BAZ2B: variants seen among roughly 807,000 people sequenced by gnomAD.
BAZ2B encodes the protein bromodomain adjacent to zinc finger domain protein 2B.
Under a neutral mutation model 246.0 loss-of-function variants are expected in BAZ2B, and 91 were observed. The observed-to-expected ratio is 0.37, with a 90% CI of 0.31 to 0.44. The LOEUF is 0.44. Among genes scored for constraint, BAZ2B ranks in the 20% least tolerant of loss-of-function variants. The pLI, the probability that BAZ2B is intolerant of heterozygous loss-of-function variation, is 1.00. For missense variants in BAZ2B, 2,332 were observed against 2,533.7 expected (o/e 0.92, Z 1.71); for synonymous variants, 855 against 860.0 (o/e 0.99, Z 0.10).
chr2:159,460,124 T>G (rs1204777598), intron 3 of BAZ2B: 1 of 152,086 alleles, frequency 6.6e-6, no homozygotes, highest in Non-Finnish European at 1.5e-5. Flanking sequence ...CTTTTCAAAT[T>G]CTACTAGCCA....
At chr2:159,427,472 T>C (rs900569549) in intron 13 of BAZ2B, among the ~76,000 whole-genome samples, 4 of 152,072 alleles carry the variant, frequency 2.6e-5, no homozygotes, top group African/African-American at 7.2e-5. Context: ...AAAAAAAACT[T>C]ATCAAACTTG....
chr2:159,441,786 C>T (rs1235845223), intron 6 of BAZ2B, among the ~76,000 whole-genome samples: 1 of 152,112 alleles, frequency 6.6e-6, no homozygotes, highest in Non-Finnish European at 1.5e-5. Flanking sequence ...CTAGTTGGGA[C>T]TATAAGCTAA....
intron 3 of BAZ2B, among the ~76,000 whole-genome samples, chr2:159,468,449 G>T (rs1446945622): frequency 6.6e-6 from 1 of 152,166 alleles, no homozygotes; most frequent in African/African-American, 2.4e-5. Flanking sequence ...GCATGAAAAA[G>T]CAGAAGTGGG....
intron 1 of BAZ2B, among the ~76,000 whole-genome samples, chr2:159,579,493 G>T (rs866793265): frequency 6.6e-6 from 1 of 152,028 alleles, no homozygotes; most frequent in Non-Finnish European, 1.5e-5. Flanking sequence ...TTCTACCAGC[G>T]GTACAAAGAG....
chr2:159,395,725 G>T, intron 20 of BAZ2B, 44 bp downstream of exon 20: 2 of 1,482,528 alleles, frequency 1.3e-6, no homozygotes, highest in Non-Finnish European at 1.8e-6. Flanking sequence ...TTAGGAAAAA[G>T]CATTACTTTA....
intron 2 of BAZ2B, among the ~76,000 whole-genome samples, chr2:159,505,725 G>A (rs540489187): frequency 1.3e-5 from 2 of 152,208 alleles, no homozygotes; most frequent in South Asian, 4.2e-4. Context: ...CCCATAAGAA[G>A]GCGGCAAGAA....
chr2:159,430,137 A>T (rs924795491), intron 10 of BAZ2B, among the ~76,000 whole-genome samples: 1 of 152,192 alleles, frequency 6.6e-6, no homozygotes, highest in Non-Finnish European at 1.5e-5. Flanking sequence ...GAGCTTTTTT[A>T]TAAAGTACAG....
At chr2:159,430,524 C>T (rs1007242008) in intron 10 of BAZ2B, among the ~76,000 whole-genome samples, 2 of 152,156 alleles carry the variant, frequency 1.3e-5, no homozygotes, top group Non-Finnish European at 2.9e-5. Context: ...GGGGCCAGTG[C>T]CCCTAAATCC....
the BAZ2B span, among the ~76,000 whole-genome samples, chr2:159,700,593 G>A: frequency 2.6e-4 from 39 of 151,970 alleles, no homozygotes; most frequent in Non-Finnish European, 5.1e-4. Context: ...CTACAGGTGC[G>A]TGCCACCACG....
chr2:159,377,831 G>A (rs4664282), intron 25 of BAZ2B, among the ~76,000 whole-genome samples: 2,985 of 95,090 alleles, frequency 0.031, 106 homozygotes, highest in Admixed American at 0.14. Context: ...AAAAAAAAAA[G>A]AAGTGAAATA....
chr2:159,431,181 A>G (rs2071038966), intron 9 of BAZ2B, 25 bp from the exon 10 acceptor site: 2 of 1,580,754 alleles, frequency 1.3e-6, no homozygotes, highest in Non-Finnish European at 1.7e-6. Context: ...AAGCATTTGT[A>G]TATTATAACT....
chr2:159,387,672 T>C (rs187665021), intron 21 of BAZ2B, among the ~76,000 whole-genome samples: 3 of 152,250 alleles, frequency 2.0e-5, no homozygotes, highest in South Asian at 2.1e-4. Flanking sequence ...TACATTTCTA[T>C]GTAATTCTAA....
At chr2:159,439,285 T>C in intron 6 of BAZ2B, 73 bp from the exon 7 acceptor site, 2 of 1,247,890 alleles carry the variant, frequency 1.6e-6, no homozygotes, top group Non-Finnish European at 2.2e-6. Flanking sequence ...AGGTGTACTC[T>C]TTTTAATTTT....
At chr2:159,343,999 G>A (rs1244346775) in intron 31 of BAZ2B, among the ~76,000 whole-genome samples, 2 of 139,848 alleles carry the variant, frequency 1.4e-5, no homozygotes, top group Non-Finnish European at 3.0e-5. Context: ...GCACTGCAGA[G>A]CCTGGGCGAC....
chr2:159,540,761 G>A (rs1344933630), intron 2 of BAZ2B, among the ~76,000 whole-genome samples: 1 of 152,128 alleles, frequency 6.6e-6, no homozygotes, highest in African/African-American at 2.4e-5. Flanking sequence ...AAACTATCTG[G>A]TATATAAGTA....
intron 2 of BAZ2B, among the ~76,000 whole-genome samples, chr2:159,519,534 A>G (rs1346085504): frequency 2.0e-5 from 3 of 151,394 alleles, no homozygotes; most frequent in African/African-American, 7.3e-5. Flanking sequence ...CCGGCCTCAT[A>G]TTCTATTTTC....
chr2:159,412,412 C>T lies in BAZ2B; in HGVS notation c.2600G>A (p.Gly867Asp). Residue 867 changes from glycine to aspartate, a missense_variant, in exon 14 of 37, where the codon GGT becomes GAT. This residue lies in a region of BAZ2B where 651 missense variants were observed against 650.9 expected (regional missense o/e 1.00). Transcript: ENST00000392783. ...REESRMRRRKGRPPNVGNAEF... is the reference protein window; with the variant it reads ...REESRMRRRKDRPPNVGNAEF... ...AGCATTGCCAACATTTGGAGGTCGA[C>T]CTTTCCGACGTCTCATCCTGGATTC... 1 of 1,614,116 alleles carries T rather than the reference C, an allele frequency of 6.2e-7. No homozygotes were observed. Among genetic ancestry groups the T allele is most frequent in the South Asian group, 1.1e-5 (1 of 91,080 alleles).
intron 1 of BAZ2B, among the ~76,000 whole-genome samples, chr2:159,566,024 T>TAA (rs1682482676): frequency 6.6e-6 from 1 of 152,108 alleles, no homozygotes; most frequent in Non-Finnish European, 1.5e-5. Flanking sequence ...GACTTTTTTG[T>TAA]TTTTCAGAAG....
At chr2:159,568,526 T>C (rs1683176278) in intron 1 of BAZ2B, among the ~76,000 whole-genome samples, 1 of 150,488 alleles carries the variant, frequency 6.6e-6, no homozygotes, top group East Asian at 2.0e-4. Flanking sequence ...TTCTCATTCA[T>C]GAGAAAGGAG....
Sources: gnomAD v4.1 joint callset for allele counts (sites outside exome capture counted in the v4.1 genomes callset) on GRCh38, gnomAD v4.1.1 for gene constraint, gnomAD v4.1.1 regional missense constraint, MANE v1.5 for transcripts, NCBI Gene and HGNC (gene_info 2026-07-23, HGNC 2026-07-21) for gene names.